GPC6: variants seen among roughly 807,000 people sequenced by gnomAD.
GPC6 encodes the protein glypican 6.
A neutral mutation model predicts 55.2 loss-of-function variants in GPC6; 14 were observed. The observed-to-expected ratio is 0.25, with a 90% CI of 0.17 to 0.40. GPC6 has a LOEUF of 0.40. Ranked by LOEUF, GPC6 falls within the 10% of genes least tolerant of loss-of-function variation. GPC6 has a pLI of 1.00. For missense variants in GPC6, 641 were observed against 708.5 expected, an observed-to-expected ratio of 0.90 and a Z score of 1.08; for synonymous variants, 278 against 259.6, an observed-to-expected ratio of 1.07 and a Z score of -0.68.
At chr13:94,336,541 A>C (rs1380391907) in intron 6 of GPC6, among the ~76,000 whole-genome samples, 1 of 152,130 alleles carries the variant, frequency 6.6e-6, no homozygotes, top group Non-Finnish European at 1.5e-5. Context: ...TGCGCTGTAA[A>C]ATATCTGCAC....
At chr13:93,595,204 G>A (rs568829067) in intron 2 of GPC6, among the ~76,000 whole-genome samples, 8 of 152,018 alleles carry the variant, frequency 5.3e-5, no homozygotes, top group Non-Finnish European at 8.8e-5. Flanking sequence ...GTATATTAGG[G>A]GATTTCATTA....
intron 1 of GPC6, among the ~76,000 whole-genome samples, chr13:93,283,208 A>G (rs1878003627): frequency 1.3e-5 from 2 of 152,224 alleles, no homozygotes; most frequent in Non-Finnish European, 2.9e-5. Context: ...CTGCTTGAAC[A>G]GCCTTCCCAT....
At chr13:94,359,823 T>G (rs944838559) in intron 6 of GPC6, among the ~76,000 whole-genome samples, 1 of 152,234 alleles carries the variant, frequency 6.6e-6, no homozygotes, top group African/African-American at 2.4e-5. Context: ...CTCCAAGCGC[T>G]TTGGATTTGG....
intron 6 of GPC6, among the ~76,000 whole-genome samples, chr13:94,346,236 T>A (rs1472366709): frequency 2.0e-5 from 3 of 152,232 alleles, no homozygotes; most frequent in Non-Finnish European, 4.4e-5. Flanking sequence ...TTCCAGGTAA[T>A]GTTTTAGGAA....
intron 3 of GPC6, among the ~76,000 whole-genome samples, chr13:93,998,997 G>T (rs144442948): frequency 6.6e-6 from 1 of 152,120 alleles, no homozygotes; most frequent in East Asian, 1.9e-4. Context: ...AACACTGCTG[G>T]TAACCATCAT....
At position 93,891,872 on chromosome 13, in the gene GPC6, AGTG is replaced by A. The variant is rs1458505412; in HGVS notation, c.711+61328_711+61330del. On this transcript the variant is annotated intron_variant, in intron 3 of 8. Transcript: ENST00000377047. The stretch of plus-strand genomic sequence containing the variant: ...ATATGTAGTGTGTATGTGTATATAT[AGTG>A]TGTGTGTATATTGTGTGTATAGTGT... Among the ~76,000 whole-genome samples the A allele has an allele frequency of 1.6e-4, 24 of 151,844 alleles. No individual in the cohort carries two copies. The South Asian group carries it at 4.4e-3, about 28-fold the overall frequency.
In GPC6 at chr13:93,586,815, T is replaced by C. The variant is rs552586421; in HGVS notation, c.319+41394T>C. Among the ~76,000 whole-genome samples, 3 of 152,356 alleles carry C rather than the reference T, an allele frequency of 2.0e-5. No individual in the cohort carries two copies. In the South Asian group the frequency reaches 6.2e-4, roughly 32 times the overall value. ...TGTCACACAGAAATGTTCTATACTA[T>C]GATGTTACAGCTTAGCTTCATTCTT... is the stretch of plus-strand genomic sequence containing the variant. On this transcript the variant is annotated intron_variant, in intron 2 of 8. Coordinates refer to ENST00000377047, the MANE Select transcript of GPC6 (RefSeq NM_005708.5).
At chr13:93,231,318 T>TATATATATACATATATATATATATAC in intron 1 of GPC6, among the ~76,000 whole-genome samples, 1 of 59,502 alleles carries the variant, frequency 1.7e-5, no homozygotes, top group Non-Finnish European at 2.9e-5. Flanking sequence ...TCATTTCATA[T>TATATATATACATATATATATATATAC]ATATATATAT....
intron 3 of GPC6, among the ~76,000 whole-genome samples, chr13:93,969,588 C>A (rs985507002): frequency 2.6e-5 from 4 of 152,058 alleles, no homozygotes; most frequent in African/African-American, 9.7e-5. Flanking sequence ...CATTAACAAA[C>A]TAAGACTTTT....
chr13:93,539,503 G>A lies in GPC6; in HGVS notation c.161-5760G>A, dbSNP rs115867061. 7.8e-3 allele frequency among the ~76,000 whole-genome samples: 1,194 copies of A among 152,184 alleles called. 20 individuals are homozygous for A. The highest frequency in any genetic ancestry group is 0.027 in the African/African-American group (1,136 of 41,542). ...TATGGGTTTTGGTTGTGTGTTTTAG[G>A]GGAGGGTCCATAGAGTCGGGCTCAC... is the stretch of plus-strand genomic sequence containing the variant. On this transcript the variant is annotated intron_variant, in intron 1 of 8. Coordinates refer to ENST00000377047, the MANE Select transcript of GPC6 (RefSeq NM_005708.5).
At chr13:93,778,612 C>T (rs1236912699) in intron 2 of GPC6, among the ~76,000 whole-genome samples, 1 of 152,028 alleles carries the variant, frequency 6.6e-6, no homozygotes, top group Non-Finnish European at 1.5e-5. Flanking sequence ...TTTTAGGTAC[C>T]CACTTTCACC....
At chr13:94,206,393 G>C (rs1889902853) in intron 4 of GPC6, among the ~76,000 whole-genome samples, 1 of 152,084 alleles carries the variant, frequency 6.6e-6, no homozygotes, top group African/African-American at 2.4e-5. Context: ...TTAATAACGG[G>C]AGTCTCAGCA....
intron 2 of GPC6, among the ~76,000 whole-genome samples, chr13:93,706,025 G>GA (rs1408438317): frequency 1.3e-5 from 2 of 151,560 alleles, no homozygotes; most frequent in South Asian, 2.1e-4. Context: ...CCAAAAAATG[G>GA]AAAAAAATGT....
chr13:93,800,794 C>T (rs765543022), intron 2 of GPC6, among the ~76,000 whole-genome samples: 1 of 152,154 alleles, frequency 6.6e-6, no homozygotes, highest in Non-Finnish European at 1.5e-5. Context: ...TCAGTGTGAA[C>T]ATCAACCTAG....
chr13:93,522,350 A>G (rs1229786803), intron 1 of GPC6, among the ~76,000 whole-genome samples: 1 of 151,972 alleles, frequency 6.6e-6, no homozygotes. Context: ...TTTTGTGTTC[A>G]TGTATAATTC....
chr13:94,065,904 G>A (rs1181105102), intron 4 of GPC6, among the ~76,000 whole-genome samples: 1 of 152,196 alleles, frequency 6.6e-6, no homozygotes, highest in Non-Finnish European at 1.5e-5. Flanking sequence ...CTTCCAGACA[G>A]CCTGAATTAC....
chr13:93,855,177 G>A (rs1242371956), intron 3 of GPC6, among the ~76,000 whole-genome samples: 2 of 151,600 alleles, frequency 1.3e-5, no homozygotes, highest in African/African-American at 4.8e-5. Context: ...TGTCCCACCT[G>A]TTTATCTCTC....
Position 93,227,563 on chromosome 13 carries a change from C to G in GPC6, c.107C>G (p.Ala36Gly). ...CGGAGCTGCGGAGAGGTCCGCCAGGCGTACGGTGCCAAGGGATTCAGCCTG... is the reference window on the plus strand; with the variant it reads ...CGGAGCTGCGGAGAGGTCCGCCAGGGGTACGGTGCCAAGGGATTCAGCCTG... ...KARSCGEVRQ[A>G]YGAKGFSLAD... Residue 36 changes from alanine (A) to glycine (G), a missense_variant, in exon 1 of 9, where the codon GCG (alanine) becomes GGG (glycine). By Grantham distance (60) the Ala-to-Gly change is moderately conservative. Coordinates refer to ENST00000377047, the MANE Select transcript of GPC6 (RefSeq NM_005708.5). The surrounding 1 kb of genome is among the most constrained non-coding windows in gnomAD (Gnocchi z 4.3). The G allele has an allele frequency of 6.2e-7, 1 of 1,612,820 alleles. No homozygotes were observed. The highest frequency in any genetic ancestry group is 1.3e-5 in the African/African-American group (1 of 75,034).
intron 2 of GPC6, among the ~76,000 whole-genome samples, chr13:93,798,585 T>C (rs1886273312): frequency 6.6e-6 from 1 of 152,066 alleles, no homozygotes; most frequent in Non-Finnish European, 1.5e-5. Context: ...AAAGCACATA[T>C]GGCTATCAGT....
Sources: gnomAD v4.1 joint callset for allele counts (sites outside exome capture counted in the v4.1 genomes callset) on GRCh38, gnomAD v4.1.1 for gene constraint, Gnocchi (gnomAD v3.1) non-coding constraint, MANE v1.5 for transcripts, NCBI Gene and HGNC (gene_info 2026-07-23, HGNC 2026-07-21) for gene names.